The following TSPAN5 variants were observed in gnomAD, a reference collection of about 807,000 sequenced individuals.
TSPAN5 encodes the protein tetraspanin 5, also known as tetraspanin-5.
A neutral mutation model predicts 37.1 loss-of-function variants in TSPAN5; 10 were observed. That is an observed-to-expected ratio of 0.27 (90% CI 0.17 to 0.46). The LOEUF is 0.46. Ranked by LOEUF, TSPAN5 falls within the 20% of genes least tolerant of loss-of-function variation. The probability of loss-of-function intolerance (pLI) is 1.00; values close to 1 mark genes in which losing one functional copy is unlikely to be tolerated. For synonymous variants in TSPAN5, 110 were observed against 118.9 expected (o/e 0.93, Z 0.48); for missense variants, 195 against 326.6 (o/e 0.60, Z 3.11).
intron 1 of TSPAN5, among the ~76,000 whole-genome samples, chr4:98,525,422 CCTGT>C (rs993333300): frequency 7.2e-5 from 11 of 152,116 alleles, no homozygotes; most frequent in African/African-American, 2.4e-4. Flanking sequence ...CCACACGGTC[CCTGT>C]CTGAGTGAGT....
intron 1 of TSPAN5, among the ~76,000 whole-genome samples, chr4:98,651,432 C>T (rs1757183505): frequency 6.6e-6 from 1 of 152,168 alleles, no homozygotes; most frequent in Non-Finnish European, 1.5e-5. Flanking sequence ...TGGATGAAAT[C>T]TAAGGATTAA....
At chr4:98,516,235 T>C (rs1355474287) in intron 1 of TSPAN5, among the ~76,000 whole-genome samples, 1 of 152,194 alleles carries the variant, frequency 6.6e-6, no homozygotes, top group Non-Finnish European at 1.5e-5. Flanking sequence ...GATGAGTCAC[T>C]AGGGTCAGAC....
At chr4:98,587,527 G>A (rs1255230456) in intron 1 of TSPAN5, among the ~76,000 whole-genome samples, 1 of 152,120 alleles carries the variant, frequency 6.6e-6, no homozygotes, top group African/African-American at 2.4e-5. Flanking sequence ...GGGAAGACAA[G>A]CAAGTCTGGA....
At chr4:98,487,859 A>G (rs1371461518) in intron 2 of TSPAN5, among the ~76,000 whole-genome samples, 2 of 152,146 alleles carry the variant, frequency 1.3e-5, no homozygotes, top group Non-Finnish European at 2.9e-5. Context: ...CTCTTCCCTT[A>G]TGTGTGATAC....
intron 1 of TSPAN5, among the ~76,000 whole-genome samples, chr4:98,540,519 G>A (rs1236059963): frequency 6.6e-6 from 1 of 152,126 alleles, no homozygotes; most frequent in Non-Finnish European, 1.5e-5. Context: ...TGTACTTTTA[G>A]TAGAGATGGG....
chr4:98,644,457 A>G (rs1004473965), intron 1 of TSPAN5, among the ~76,000 whole-genome samples: 1 of 152,168 alleles, frequency 6.6e-6, no homozygotes, highest in Non-Finnish European at 1.5e-5. Context: ...AATTTCCTTT[A>G]AAAAAGCAAT....
chr4:98,555,195 A>G (rs1754713969), intron 1 of TSPAN5, among the ~76,000 whole-genome samples: 1 of 152,124 alleles, frequency 6.6e-6, no homozygotes, highest in Non-Finnish European at 1.5e-5. Context: ...CAGTATGTGC[A>G]CCATACGATA....
chr4:98,547,590 T>A (rs1754497665), intron 1 of TSPAN5, among the ~76,000 whole-genome samples: 1 of 152,188 alleles, frequency 6.6e-6, no homozygotes, highest in Non-Finnish European at 1.5e-5. Flanking sequence ...AATTATTTAA[T>A]CGCAAAGTTC....
At position 98,478,710 on chromosome 4, in the gene TSPAN5, A is replaced by G. The variant is rs774763918; in HGVS notation, c.551T>C (p.Phe184Ser). 2.5e-6 allele frequency: 4 copies of G among 1,614,166 alleles called. No individual in the cohort carries two copies. The Admixed American group carries it at 6.7e-5, about 27-fold the overall frequency. Residue 184 changes from phenylalanine to serine, a missense_variant, in exon 5 of 8, where the codon TTC becomes TCC. Transcript: ENST00000305798. Reference protein sequence around the residue: ...NASRERCGVPFSCCTKDPAED... With the variant: ...NASRERCGVPSSCCTKDPAED... ...TGCGGGATCTTTAGTGCAGCAGGAG[A>G]ATGGAACGCCACATCGCTCTCGACT...
intron 1 of TSPAN5, among the ~76,000 whole-genome samples, chr4:98,545,885 G>A (rs1318269721): frequency 6.6e-6 from 1 of 152,134 alleles, no homozygotes; most frequent in Non-Finnish European, 1.5e-5. Context: ...GAAGGAAAAT[G>A]TAATCCAACT....
At chr4:98,654,553 C>T (rs1377027177) in intron 1 of TSPAN5, among the ~76,000 whole-genome samples, 1 of 152,160 alleles carries the variant, frequency 6.6e-6, no homozygotes, top group Non-Finnish European at 1.5e-5. Context: ...CAATTCCCTT[C>T]TGTCTTGAAT....
chr4:98,639,565 T>G (rs2110275609), intron 1 of TSPAN5, among the ~76,000 whole-genome samples: 1 of 150,202 alleles, frequency 6.7e-6, no homozygotes, highest in South Asian at 2.1e-4. Context: ...AAAGCAATCC[T>G]CCCACCTCAG....
intron 1 of TSPAN5, among the ~76,000 whole-genome samples, chr4:98,589,299 G>A (rs1035245442): frequency 6.6e-6 from 1 of 152,136 alleles, no homozygotes; most frequent in Non-Finnish European, 1.5e-5. Flanking sequence ...ATTTCTTATG[G>A]GTCAATTAAT....
At chr4:98,526,374 G>C (rs552903528) in intron 1 of TSPAN5, among the ~76,000 whole-genome samples, 1 of 152,234 alleles carries the variant, frequency 6.6e-6, no homozygotes, top group South Asian at 2.1e-4. Flanking sequence ...CGCTCCCAAG[G>C]GTAAACACAC....
At chr4:98,584,066 GT>G (rs1242620774) in intron 1 of TSPAN5, among the ~76,000 whole-genome samples, 1 of 152,142 alleles carries the variant, frequency 6.6e-6, no homozygotes, top group Non-Finnish European at 1.5e-5. Flanking sequence ...ACCAGAGCTT[GT>G]TTTGAGGAAA....
At chr4:98,562,021 C>CTCAA (rs1560538275) in intron 1 of TSPAN5, among the ~76,000 whole-genome samples, 1 of 152,328 alleles carries the variant, frequency 6.6e-6, no homozygotes, top group East Asian at 1.9e-4. Flanking sequence ...AAGTAGGCTC[C>CTCAA]ATGATGGCAA....
intron 1 of TSPAN5, among the ~76,000 whole-genome samples, chr4:98,632,375 C>T (rs1321464891): frequency 1.3e-5 from 2 of 152,156 alleles, no homozygotes; most frequent in African/African-American, 4.8e-5. Context: ...CAGGCTCTCC[C>T]ACTCTGGGAG....
chr4:98,607,853 A>G lies in TSPAN5; in HGVS notation c.81+50293T>C, dbSNP rs565440743. Reference sequence around the variant, plus strand: ...AGCCTCCTGAGTAGCTGGGATTACAAGTGCCCGCCACCATGCCCAGCTAAT... The same window carrying G: ...AGCCTCCTGAGTAGCTGGGATTACAGGTGCCCGCCACCATGCCCAGCTAAT... On this transcript the variant is annotated intron_variant, in intron 1 of 7. Transcript: ENST00000305798. Among the ~76,000 whole-genome samples, 18 of 151,878 alleles carry G rather than the reference A, an allele frequency of 1.2e-4. No homozygotes were observed. In the South Asian group the frequency reaches 3.5e-3, roughly 30 times the overall value.
At chr4:98,520,388 G>T (rs574315813) in intron 1 of TSPAN5, among the ~76,000 whole-genome samples, 1 of 152,304 alleles carries the variant, frequency 6.6e-6, no homozygotes, top group South Asian at 2.1e-4. Flanking sequence ...CCAGACACTG[G>T]GCATTGTGTG....
Sources: gnomAD v4.1 joint callset for allele counts (sites outside exome capture counted in the v4.1 genomes callset) on GRCh38, gnomAD v4.1.1 for gene constraint, MANE v1.5 for transcripts, NCBI Gene and HGNC (gene_info 2026-07-23, HGNC 2026-07-21) for gene names.